The following CNTNAP4 variants were observed in gnomAD, a reference collection of about 807,000 sequenced individuals.
CNTNAP4 encodes the protein contactin-associated protein-like 4.
In CNTNAP4, 98 loss-of-function variants were observed where a neutral mutation model predicts 148.4. The observed-to-expected ratio is 0.66, with a 90% confidence interval of 0.56 to 0.78. The LOEUF (loss-of-function observed/expected upper bound fraction) is 0.78, where lower values mean the gene tolerates loss of function less well. Ranked by LOEUF, CNTNAP4 falls within the 30% of genes least tolerant of loss-of-function variation. The pLI, the probability that CNTNAP4 is intolerant of heterozygous loss-of-function variation, is 0.00. For missense variants in CNTNAP4, 1,935 were observed against 1,565.6 expected (o/e 1.24, Z -3.98); for synonymous variants, 730 against 565.1 (o/e 1.29, Z -4.14).
chr16:76,345,577 A>T (rs1345374613), intron 2 of CNTNAP4, among the ~76,000 whole-genome samples: 1 of 151,850 alleles, frequency 6.6e-6, no homozygotes, highest in East Asian at 1.9e-4. Flanking sequence ...TGCGGGGGGG[A>T]TTTGGCCAAT....
At chr16:76,490,887 G>T (rs1009547931) in intron 13 of CNTNAP4, among the ~76,000 whole-genome samples, 1 of 152,000 alleles carries the variant, frequency 6.6e-6, no homozygotes, top group African/African-American at 2.4e-5. Flanking sequence ...GTACAATAAC[G>T]CTACTTCTTT....
chr16:76,313,515 C>G (rs9939013), intron 1 of CNTNAP4, among the ~76,000 whole-genome samples: 41,898 of 152,058 alleles, frequency 0.28, 6,469 homozygotes, highest in Non-Finnish European at 0.35. Context: ...CTTCACCACT[C>G]CATGGGTTGT....
In CNTNAP4 at chr16:76,559,831, A is replaced by ATTT; in HGVS notation, c.*1149_*1150insTTT. On this transcript the variant is annotated 3_prime_UTR_variant, in exon 24 of 24. Coordinates refer to ENST00000611870, the MANE Select transcript of CNTNAP4 (RefSeq NM_033401.5). ...AGACTTCCAGTACATACTTTTTGAA[A>ATTT]TATGAGCTGCAACCATCAGTGATCT... Among the ~76,000 whole-genome samples, 1 of 128,184 alleles carries ATTT rather than the reference A, an allele frequency of 7.8e-6. No homozygotes were observed. The highest frequency in any genetic ancestry group is 7.7e-5 in the Admixed American group (1 of 13,028). The allele number at this position is 128,184 out of a possible 152,430, so 84.1% of individuals were successfully genotyped here.
intron 1 of CNTNAP4, among the ~76,000 whole-genome samples, chr16:76,295,211 A>G (rs1959204764): frequency 6.6e-6 from 1 of 152,216 alleles, no homozygotes; most frequent in South Asian, 2.1e-4. Context: ...TAGGACAGCT[A>G]GATGAGGAAA....
chr16:76,523,521 C>G (rs2083578494), intron 17 of CNTNAP4, among the ~76,000 whole-genome samples: 1 of 151,998 alleles, frequency 6.6e-6, no homozygotes, highest in Non-Finnish European at 1.5e-5. Context: ...TGAATCTTTG[C>G]TAATTCGTTT....
chr16:76,498,616 A>G lies in CNTNAP4; in HGVS notation c.2287A>G (p.Lys763Glu). The change falls in exon 15 of 24, where the codon AAG becomes GAG. Residue 763 changes from lysine (K) to glutamate (E), a missense_variant. By Grantham distance (56) the Lys-to-Glu change is moderately conservative (BLOSUM62 1). Transcript: ENST00000611870. The stretch of plus-strand genomic sequence containing the variant: ...TTATAAAGAACATCTTCCAGTAACT[A>G]AGATCGTGATTACAGACACAGGCCG... ...LAYKEHLPVT[K>E]IVITDTGRLH... is the part of the protein sequence containing the mutation. 1 of 1,612,904 alleles carries G rather than the reference A, an allele frequency of 6.2e-7. No homozygotes were observed. Among genetic ancestry groups the G allele is most frequent in the Non-Finnish European group, 8.5e-7 (1 of 1,179,338 alleles).
chr16:76,464,949 T>C (rs1198248360), intron 9 of CNTNAP4, among the ~76,000 whole-genome samples: 1 of 152,224 alleles, frequency 6.6e-6, no homozygotes, highest in Non-Finnish European at 1.5e-5. Context: ...GTCTAATTTC[T>C]GTACATTCCC....
intron 1 of CNTNAP4, among the ~76,000 whole-genome samples, chr16:76,286,347 T>A (rs914148955): frequency 6.6e-6 from 1 of 152,114 alleles, no homozygotes; most frequent in South Asian, 2.1e-4. Context: ...TCATATTTGC[T>A]ATCCATACCA....
In CNTNAP4 at chr16:76,448,193, A is replaced by G. The variant is rs1167201257; in HGVS notation, c.720A>G (p.Arg240=). The G allele has an allele frequency of 6.2e-7, 1 of 1,610,656 alleles. No homozygotes were observed. The highest frequency in any genetic ancestry group is 8.5e-7 in the Non-Finnish European group (1 of 1,177,918). ...DHITLQLRRA[R]LFLLINSGEA... is the part of the protein sequence containing the mutation. The stretch of plus-strand genomic sequence containing the variant: ...TCACACTGCAATTAAGAAGAGCAAG[A>G]CTCTTTTTACTTATTAATTCAGGTA... The change falls in exon 5 of 24, where the codon AGA becomes AGG. Residue 240 remains arginine (R), a synonymous_variant. Transcript: ENST00000611870.
intron 12 of CNTNAP4, among the ~76,000 whole-genome samples, chr16:76,479,806 T>C (rs568816785): frequency 9.2e-5 from 14 of 152,168 alleles, no homozygotes; most frequent in Non-Finnish European, 1.8e-4. Flanking sequence ...AGACTATTTA[T>C]GAGAGAAGAT....
Position 76,361,049 on chromosome 16 carries a change from T to C in CNTNAP4, c.390+5538T>C, listed in dbSNP as rs114551957. Among the ~76,000 whole-genome samples, 1,232 of 152,088 alleles carry C rather than the reference T, an allele frequency of 8.1e-3. 19 individuals are homozygous for C. The highest frequency in any genetic ancestry group is 0.028 in the African/African-American group (1,180 of 41,468). ...CACGTTAGCCAGGATGGCCTCGATT[T>C]GCTGACCTCGTGGTCCGCCTGCCTC... On this transcript the variant is annotated intron_variant, in intron 3 of 23. Transcript: ENST00000611870.
At position 76,321,143 on chromosome 16, in the gene CNTNAP4, A is replaced by G. The variant is rs1280940635; in HGVS notation, c.196+4620A>G. On this transcript the variant is annotated intron_variant, in intron 2 of 23. Coordinates refer to ENST00000611870, the MANE Select transcript of CNTNAP4 (RefSeq NM_033401.5). ...TTTTAAACCACAACTACACCCTTCT[A>G]TTCTAAATGGTTGTTAAGCAATGTT... Among the ~76,000 whole-genome samples, 3 of 152,316 alleles carry G rather than the reference A, an allele frequency of 2.0e-5. No individual in the cohort carries two copies. The East Asian group carries it at 5.8e-4, about 29-fold the overall frequency.
intron 22 of CNTNAP4, 102 bp from the exon 23 acceptor site, chr16:76,553,734 G>A (rs923150426): frequency 1.2e-5 from 9 of 730,066 alleles, no homozygotes; most frequent in East Asian, 5.4e-5. Flanking sequence ...TCCCACATTC[G>A]CCTCCATAAT....
intron 3 of CNTNAP4, among the ~76,000 whole-genome samples, chr16:76,363,072 T>A (rs1193451533): frequency 1.4e-5 from 2 of 144,892 alleles, no homozygotes; most frequent in African/African-American, 2.6e-5. Flanking sequence ...AAAAAAAAAA[T>A]AGACAATGGG....
chr16:76,431,452 G>T (rs948277540), intron 4 of CNTNAP4, among the ~76,000 whole-genome samples: 1 of 152,100 alleles, frequency 6.6e-6, no homozygotes, highest in Non-Finnish European at 1.5e-5. Context: ...GGTGGAGGTG[G>T]GGGGTTACCT....
chr16:76,372,638 T>A (rs2014974856), intron 3 of CNTNAP4, among the ~76,000 whole-genome samples: 1 of 152,150 alleles, frequency 6.6e-6, no homozygotes, highest in East Asian at 1.9e-4. Flanking sequence ...ATTCTGTCTT[T>A]TCTGCCACCA....
intron 3 of CNTNAP4, among the ~76,000 whole-genome samples, chr16:76,376,386 C>T (rs1012604957): frequency 2.0e-5 from 3 of 151,948 alleles, no homozygotes; most frequent in East Asian, 1.9e-4. Flanking sequence ...CATTCGAGAG[C>T]GTATGTGATG....
At chr16:76,293,688 G>C (rs1329277002) in intron 1 of CNTNAP4, among the ~76,000 whole-genome samples, 2 of 151,966 alleles carry the variant, frequency 1.3e-5, no homozygotes, top group African/African-American at 4.8e-5. Context: ...TCTTTGCTTG[G>C]AACTTACTGG....
At chr16:76,282,921 C>T (rs941652857) in intron 1 of CNTNAP4, among the ~76,000 whole-genome samples, 5 of 150,696 alleles carry the variant, frequency 3.3e-5, no homozygotes, top group Admixed American at 3.3e-4. Context: ...TTTATTTTTT[C>T]ATTATATTGT....
Sources: allele counts gnomAD v4.1 joint callset (sites outside exome capture counted in the v4.1 genomes callset), GRCh38; gene constraint gnomAD v4.1.1; transcripts MANE v1.5; gene names NCBI Gene and HGNC (gene_info 2026-07-23, HGNC 2026-07-21).